PREP: variants seen among roughly 807,000 people sequenced by gnomAD.
PREP encodes prolyl endopeptidase, also known as dJ355L5.1 (prolyl endopeptidase).
A neutral mutation model predicts 87.6 loss-of-function variants in PREP; 29 were observed. That is an observed-to-expected ratio of 0.33 (90% CI 0.25 to 0.45). The LOEUF is 0.45. Among genes scored for constraint, PREP ranks in the 20% least tolerant of loss-of-function variants. The probability of loss-of-function intolerance (pLI) is 1.00; values close to 1 mark genes in which losing one functional copy is unlikely to be tolerated. For synonymous variants in PREP, 337 were observed against 328.6 expected, an observed-to-expected ratio of 1.03 and a Z score of -0.28; for missense variants, 695 against 886.5, an observed-to-expected ratio of 0.78 and a Z score of 2.74.
chr6:105,342,981 C>T (rs1054476159), intron 7 of PREP, among the ~76,000 whole-genome samples: 1 of 152,148 alleles, frequency 6.6e-6, no homozygotes, highest in Non-Finnish European at 1.5e-5. Context: ...AATGCCATCC[C>T]CATCAAGCTA....
intron 5 of PREP, 110 bp from the exon 6 acceptor site, chr6:105,369,134 T>C: frequency 2.6e-6 from 3 of 1,140,380 alleles, no homozygotes; most frequent in African/African-American, 1.5e-5. Context: ...GGCTGCAGGA[T>C]ACAAGGTTAA....
rs1769901135 is a variant in PREP, at chr6:105,274,696, A to G, written c.*3448T>C. 6.6e-6 allele frequency among the ~76,000 whole-genome samples: 1 copy of G among 152,142 alleles called. No individual in the cohort carries two copies. Among genetic ancestry groups the G allele is most frequent in the African/African-American group, 2.4e-5 (1 of 41,430 alleles). ...GGCAGGAGAATCACGTGAACCCAAG[A>G]GGTGGAGGTTGCAGTAAGCTGAGAT... On this transcript the variant is annotated 3_prime_UTR_variant, in exon 15 of 15. Transcript: ENST00000652536.
At position 105,352,952 on chromosome 6, in the gene PREP, T is replaced by C. The variant is rs1367875797; in HGVS notation, c.823+20A>G. ...TGAAGTTTCTTGGAATAACTATCTG[T>C]GTCTGAAAAAATAACTCACCCGCGA... On this transcript the variant is annotated intron_variant, in intron 7 of 14. Transcript: ENST00000652536. 3 of 1,577,744 alleles carry C rather than the reference T, an allele frequency of 1.9e-6. No homozygotes were observed. The highest frequency in any genetic ancestry group is 1.3e-5 in the African/African-American group (1 of 74,114).
chr6:105,276,332 T>G lies in PREP; in HGVS notation c.*1812A>C, dbSNP rs375962281. Reference sequence around the variant, plus strand: ...TTGGGATTTGAACCCAGTCCTGATATCTGAAGCTCACACACTACACACTGT... The same window carrying G: ...TTGGGATTTGAACCCAGTCCTGATAGCTGAAGCTCACACACTACACACTGT... On this transcript the variant is annotated 3_prime_UTR_variant, in exon 15 of 15. Transcript: ENST00000652536. Among the ~76,000 whole-genome samples the G allele has an allele frequency of 6.6e-6, 1 of 151,518 alleles. No homozygotes were observed. The highest frequency in any genetic ancestry group is 2.1e-4 in the South Asian group (1 of 4,822).
chr6:105,347,783 CAGG>C (rs1409627603), intron 7 of PREP, among the ~76,000 whole-genome samples: 2 of 152,098 alleles, frequency 1.3e-5, no homozygotes, highest in South Asian at 2.1e-4. Flanking sequence ...GAGGCTGAGG[CAGG>C]AGGACTGCTT....
At chr6:105,329,781 C>T (rs879305342) in intron 8 of PREP, among the ~76,000 whole-genome samples, 1 of 152,194 alleles carries the variant, frequency 6.6e-6, no homozygotes, top group Non-Finnish European at 1.5e-5. Context: ...GCTCGTGAGA[C>T]AAAATCATAT....
At chr6:105,371,500 C>CAAAAAAAAAAAAAAAAAAAAAAAA (rs528772896) in intron 5 of PREP, among the ~76,000 whole-genome samples, 3 of 44,798 alleles carry the variant, frequency 6.7e-5, no homozygotes, top group African/African-American at 1.9e-4. Flanking sequence ...GATTCCATCT[C>CAAAAAAAAAAAAAAAAAAAAAAAA]AAAAAAAAAA....
At chr6:105,380,464 G>A (rs992138289) in intron 2 of PREP, among the ~76,000 whole-genome samples, 44 of 152,308 alleles carry the variant, frequency 2.9e-4, no homozygotes, top group Non-Finnish European at 1.6e-4. Flanking sequence ...AAAGATTACC[G>A]TGCTTTGGAC....
intron 10 of PREP, chr6:105,302,421 C>A (rs1562192373): frequency 1.3e-5 from 3 of 227,408 alleles, no homozygotes; most frequent in East Asian, 2.5e-4. Flanking sequence ...TTGTTCTCTT[C>A]GGCCAGCTCT....
At chr6:105,314,636 A>G (rs1419237670) in intron 10 of PREP, among the ~76,000 whole-genome samples, 1 of 152,174 alleles carries the variant, frequency 6.6e-6, no homozygotes, top group Non-Finnish European at 1.5e-5. Flanking sequence ...CTCTACTTCT[A>G]ATTCTAGATC....
chr6:105,368,474 A>G (rs1055006162), intron 6 of PREP, among the ~76,000 whole-genome samples: 1 of 152,194 alleles, frequency 6.6e-6, no homozygotes, highest in African/African-American at 2.4e-5. Context: ...ACAAGTGAAC[A>G]ATATGCATGA....
intron 11 of PREP, among the ~76,000 whole-genome samples, chr6:105,286,730 C>A (rs1416875285): frequency 6.6e-6 from 1 of 151,606 alleles, no homozygotes; most frequent in Non-Finnish European, 1.5e-5. Context: ...TGTATCAGAC[C>A]ATCCAACCAC....
At chr6:105,342,118 C>T (rs914756789) in intron 7 of PREP, among the ~76,000 whole-genome samples, 2 of 152,126 alleles carry the variant, frequency 1.3e-5, no homozygotes, top group African/African-American at 4.8e-5. Flanking sequence ...TGATGAACAT[C>T]GATGCAAAAA....
At chr6:105,367,469 C>CG (rs2114701496) in intron 6 of PREP, among the ~76,000 whole-genome samples, 1 of 152,146 alleles carries the variant, frequency 6.6e-6, no homozygotes, top group African/African-American at 2.4e-5. Flanking sequence ...GTCAGGAGAT[C>CG]GAGACCATCC....
rs969177635 is a variant in PREP, at chr6:105,275,547, A to G, written c.*2597T>C. 2.0e-5 allele frequency among the ~76,000 whole-genome samples: 3 copies of G among 152,204 alleles called. No individual in the cohort carries two copies. Among genetic ancestry groups the G allele is most frequent in the Admixed American group, 2.0e-4 (3 of 15,288 alleles). ...AAACAGTCCTAAAAAAACTAAACAT[A>G]TAAGTCCTCTGTGATCGAGCAATTC... is the stretch of plus-strand genomic sequence containing the variant. On this transcript the variant is annotated 3_prime_UTR_variant, in exon 15 of 15. Coordinates refer to ENST00000652536, the MANE Select transcript of PREP (RefSeq NM_002726.5).
chr6:105,356,640 G>A (rs2114688670), intron 6 of PREP, among the ~76,000 whole-genome samples: 1 of 152,242 alleles, frequency 6.6e-6, no homozygotes, highest in Non-Finnish European at 1.5e-5. Context: ...TGTGCCAGAG[G>A]CCAAAAAATA....
intron 12 of PREP, among the ~76,000 whole-genome samples, chr6:105,284,420 T>C (rs1770146395): frequency 6.6e-6 from 1 of 152,190 alleles, no homozygotes; most frequent in Non-Finnish European, 1.5e-5. Context: ...TCATGTTCGC[T>C]GATTTGATTT....
chr6:105,358,184 TA>T (rs1772152675), intron 6 of PREP, among the ~76,000 whole-genome samples: 1 of 152,030 alleles, frequency 6.6e-6, no homozygotes. Flanking sequence ...TTTATGTAAA[TA>T]AAACATTAAC....
intron 6 of PREP, among the ~76,000 whole-genome samples, chr6:105,360,834 A>T (rs1242855040): frequency 1.3e-5 from 2 of 152,208 alleles, no homozygotes; most frequent in Non-Finnish European, 2.9e-5. Flanking sequence ...TGCCTCACCT[A>T]GGTGTGATGT....
Sources: gnomAD v4.1 joint callset for allele counts (sites outside exome capture counted in the v4.1 genomes callset) on GRCh38, gnomAD v4.1.1 for gene constraint, MANE v1.5 for transcripts, NCBI Gene and HGNC (gene_info 2026-07-23, HGNC 2026-07-21) for gene names.